The following SPATA16 variants were observed in gnomAD, a reference collection of about 807,000 sequenced individuals.
SPATA16 encodes the protein spermatogenesis-associated protein 16.
Under a neutral mutation model 63.3 loss-of-function variants are expected in SPATA16, and 36 were observed. The observed-to-expected ratio is 0.57, with a 90% confidence interval of 0.44 to 0.75. The LOEUF (loss-of-function observed/expected upper bound fraction) is 0.75, where lower values mean the gene tolerates loss of function less well. SPATA16 is among the 30% of genes least tolerant of loss of function. The pLI is 0.00. For missense variants in SPATA16, 646 were observed against 679.3 expected, an observed-to-expected ratio of 0.95 and a Z score of 0.54; for synonymous variants, 203 against 216.7, an observed-to-expected ratio of 0.94 and a Z score of 0.56.
intron 1 of SPATA16, among the ~76,000 whole-genome samples, chr3:173,136,714 G>A (rs1289123035): frequency 6.6e-6 from 1 of 152,164 alleles, no homozygotes; most frequent in Non-Finnish European, 1.5e-5. Context: ...CCCTGCAGTT[G>A]TTTGTTATAT....
chr3:173,039,899 T>G (rs1482661854), intron 3 of SPATA16, among the ~76,000 whole-genome samples: 1 of 152,104 alleles, frequency 6.6e-6, no homozygotes, highest in Non-Finnish European at 1.5e-5. Flanking sequence ...GTGAGTGTAT[T>G]TAATATAAAC....
intron 3 of SPATA16, among the ~76,000 whole-genome samples, chr3:173,040,206 T>A (rs16846459): frequency 6.6e-6 from 1 of 152,060 alleles, no homozygotes; most frequent in South Asian, 2.1e-4. Flanking sequence ...ACAAGAGAAA[T>A]AAATGATGAC....
chr3:172,898,520 C>T (rs1204835981), intron 10 of SPATA16, among the ~76,000 whole-genome samples: 2 of 151,852 alleles, frequency 1.3e-5, no homozygotes, highest in Admixed American at 6.6e-5. Context: ...CTAAGATTCT[C>T]TTATTATCCT....
intron 2 of SPATA16, among the ~76,000 whole-genome samples, chr3:173,107,455 ATT>A (rs35351688): frequency 1.4e-4 from 20 of 143,264 alleles, no homozygotes; most frequent in Non-Finnish European, 1.5e-4. Flanking sequence ...CTCTCTCTCT[ATT>A]TTTTTTTTTT....
chr3:173,099,710 A>C (rs1236759662), intron 2 of SPATA16, among the ~76,000 whole-genome samples: 1 of 152,182 alleles, frequency 6.6e-6, no homozygotes, highest in Non-Finnish European at 1.5e-5. Flanking sequence ...ATAAAACAAA[A>C]GCAACAAGTG....
chr3:173,029,672 A>G (rs542203293), intron 3 of SPATA16, among the ~76,000 whole-genome samples: 2 of 152,230 alleles, frequency 1.3e-5, no homozygotes, highest in South Asian at 4.1e-4. Context: ...TGTTTGCCAC[A>G]CAACCATCTT....
rs74649599 is a variant in SPATA16, at chr3:173,052,458, C to T, written c.613-3364G>A. On this transcript the variant is annotated intron_variant, in intron 2 of 10. Coordinates refer to ENST00000351008, the MANE Select transcript of SPATA16 (RefSeq NM_031955.6). Reference sequence around the variant, plus strand: ...TTTGTTGAATTCTTGCTTTACCAATCGAGTGTTGTAAGATTGACAACTTTA... The same window carrying T: ...TTTGTTGAATTCTTGCTTTACCAATTGAGTGTTGTAAGATTGACAACTTTA... Among the ~76,000 whole-genome samples, 243 of 152,244 alleles carry T rather than the reference C, an allele frequency of 1.6e-3. 1 individual carries two copies. Among genetic ancestry groups the T allele is most frequent in the African/African-American group, 5.6e-3 (231 of 41,554 alleles).
intron 2 of SPATA16, among the ~76,000 whole-genome samples, chr3:173,068,715 A>T (rs1292357089): frequency 6.6e-6 from 1 of 152,146 alleles, no homozygotes; most frequent in African/African-American, 2.4e-5. Context: ...GTTTATAGCA[A>T]TAAATGCCTA....
chr3:173,112,332 G>A (rs777648011), intron 2 of SPATA16, among the ~76,000 whole-genome samples: 8 of 152,180 alleles, frequency 5.3e-5, no homozygotes, highest in Non-Finnish European at 1.0e-4. Context: ...TCCTCAAACT[G>A]CAATGTGCAC....
chr3:172,916,874 A>G (rs1012801517), intron 8 of SPATA16, among the ~76,000 whole-genome samples: 1 of 152,230 alleles, frequency 6.6e-6, no homozygotes, highest in Admixed American at 6.5e-5. Context: ...GTTGCCTACT[A>G]TCTTGTTTAT....
chr3:172,941,441 T>C (rs1343539261), intron 6 of SPATA16, among the ~76,000 whole-genome samples: 2 of 152,168 alleles, frequency 1.3e-5, no homozygotes, highest in African/African-American at 4.8e-5. Flanking sequence ...GACATGATCT[T>C]AAAAGCATCA....
chr3:172,978,192 G>A (rs2108252080), intron 4 of SPATA16, among the ~76,000 whole-genome samples: 1 of 151,088 alleles, frequency 6.6e-6, no homozygotes, highest in Non-Finnish European at 1.5e-5. Context: ...GGTAGTATTG[G>A]AAAGAAGCTG....
At chr3:173,137,822 A>AACACACACACACACACACACAC (rs1185263699) in intron 1 of SPATA16, among the ~76,000 whole-genome samples, 2 of 122,210 alleles carry the variant, frequency 1.6e-5, no homozygotes, top group African/African-American at 3.0e-5. Flanking sequence ...ATGGACTCTC[A>AACACACACACACACACACACAC]ACACACACAC....
chr3:173,041,103 A>G (rs35430056), intron 3 of SPATA16, among the ~76,000 whole-genome samples: 2 of 152,164 alleles, frequency 1.3e-5, no homozygotes, highest in African/African-American at 4.8e-5. Context: ...TGGGGGGAAT[A>G]CAATAGCAAG....
intron 1 of SPATA16, among the ~76,000 whole-genome samples, chr3:173,123,222 C>G (rs1002736003): frequency 9.2e-5 from 14 of 152,216 alleles, no homozygotes; most frequent in Admixed American, 5.9e-4. Flanking sequence ...GAAGTTATCT[C>G]ACTGGATTAA....
intron 2 of SPATA16, among the ~76,000 whole-genome samples, chr3:173,082,715 G>A (rs1042157765): frequency 6.6e-6 from 1 of 152,192 alleles, no homozygotes; most frequent in East Asian, 1.9e-4. Flanking sequence ...CTCACCCCGT[G>A]TGCCTCTCTC....
intron 5 of SPATA16, among the ~76,000 whole-genome samples, chr3:172,966,980 CA>C (rs1355022860): frequency 6.6e-6 from 1 of 152,098 alleles, no homozygotes; most frequent in African/African-American, 2.4e-5. Context: ...TGGTTTTGCT[CA>C]TAACAAGTTT....
intron 6 of SPATA16, among the ~76,000 whole-genome samples, chr3:172,936,821 C>T (rs1025705218): frequency 1.3e-5 from 2 of 152,152 alleles, no homozygotes; most frequent in African/African-American, 2.4e-5. Context: ...CATTCTCCTG[C>T]CTCAGCCTCC....
chr3:173,049,611 T>C (rs1441789193), intron 2 of SPATA16, among the ~76,000 whole-genome samples: 2 of 152,140 alleles, frequency 1.3e-5, no homozygotes, highest in African/African-American at 4.8e-5. Context: ...GATCGGTGAT[T>C]AATTTGAGTC....
Sources: gnomAD v4.1 joint callset for allele counts (sites outside exome capture counted in the v4.1 genomes callset) on GRCh38, gnomAD v4.1.1 for gene constraint, MANE v1.5 for transcripts, NCBI Gene and HGNC (gene_info 2026-07-23, HGNC 2026-07-21) for gene names.